Variants in CDC123 observed in about 807,000 individuals in gnomAD.
CDC123 encodes translation initiation factor eIF2 assembly protein.
Under a neutral mutation model 54.4 loss-of-function variants are expected in CDC123, and 37 were observed. The observed-to-expected ratio is 0.68, with a 90% CI of 0.52 to 0.89. The LOEUF (loss-of-function observed/expected upper bound fraction) is 0.89, where lower values mean the gene tolerates loss of function less well. Among genes scored for constraint, CDC123 ranks in the 40% least tolerant of loss-of-function variants. The probability of loss-of-function intolerance (pLI) is 0.00; values close to 1 mark genes in which losing one functional copy is unlikely to be tolerated. For missense variants in CDC123, 361 were observed against 412.1 expected (o/e 0.88, Z 1.07); for synonymous variants, 144 against 136.8 (o/e 1.05, Z -0.37).
At chr10:12,248,675 G>A (rs1047409166) in intron 11 of CDC123, among the ~76,000 whole-genome samples, 1 of 148,696 alleles carries the variant, frequency 6.7e-6, no homozygotes, top group East Asian at 2.0e-4. Flanking sequence ...GCATGGTGGT[G>A]CATGCCTGTA....
intron 7 of CDC123, among the ~76,000 whole-genome samples, chr10:12,231,278 GT>G (rs1210950858): frequency 6.6e-6 from 1 of 152,152 alleles, no homozygotes; most frequent in Non-Finnish European, 1.5e-5. Context: ...GCACCTAATT[GT>G]TTCAGCATTT....
At position 12,227,175 on chromosome 10, in the gene CDC123, A is replaced by G. The variant is rs567478718; in HGVS notation, c.441-3773A>G. Among the ~76,000 whole-genome samples the G allele has an allele frequency of 8.4e-4, 127 of 151,084 alleles. 1 individual carries two copies. Among genetic ancestry groups the G allele is most frequent in the African/African-American group, 3.1e-3 (126 of 41,214 alleles). On this transcript the variant is annotated intron_variant, in intron 6 of 12. Coordinates refer to ENST00000281141, the MANE Select transcript of CDC123 (RefSeq NM_006023.3). ...GCAGGCTGAAGCAGGAGAATCAGGC[A>G]GGGAGGTTGCAGTGAGCCGAGATGG... is the stretch of plus-strand genomic sequence containing the variant.
chr10:12,215,273 A>C (rs1835648647), intron 4 of CDC123, among the ~76,000 whole-genome samples: 1 of 152,108 alleles, frequency 6.6e-6, no homozygotes, highest in Admixed American at 6.5e-5. Context: ...TTTATTTTTC[A>C]TTCTCTCCGT....
Position 12,248,820 on chromosome 10 carries a change from G to C in CDC123, c.847-761G>C, listed in dbSNP as rs577544388. Among the ~76,000 whole-genome samples the C allele has an allele frequency of 3.4e-5, 5 of 145,820 alleles. No homozygotes were observed. In the East Asian group the frequency reaches 1.1e-3, roughly 31 times the overall value. On this transcript the variant is annotated intron_variant, in intron 11 of 12. Coordinates refer to ENST00000281141, the MANE Select transcript of CDC123 (RefSeq NM_006023.3). ...AACTTCGTCTAAAAAAAAAAAATTAGTTTTGGCAGCTGGGCATGGTGGTTC... is the reference window on the plus strand; with the variant it reads ...AACTTCGTCTAAAAAAAAAAAATTACTTTTGGCAGCTGGGCATGGTGGTTC...
intron 10 of CDC123, among the ~76,000 whole-genome samples, chr10:12,242,863 G>T (rs1353909085): frequency 1.3e-5 from 2 of 151,756 alleles, no homozygotes; most frequent in African/African-American, 4.8e-5. Context: ...AACCACTTGA[G>T]CCCAGGAGGA....
chr10:12,226,016 G>A (rs867395135), intron 6 of CDC123, among the ~76,000 whole-genome samples: 1 of 151,788 alleles, frequency 6.6e-6, no homozygotes, highest in African/African-American at 2.4e-5. Context: ...ATCTTGCACC[G>A]CCCTTAATCC....
At chr10:12,206,775 G>A (rs1342379154) in intron 2 of CDC123, among the ~76,000 whole-genome samples, 1 of 152,042 alleles carries the variant, frequency 6.6e-6, no homozygotes, top group African/African-American at 2.4e-5. Context: ...TGGCCAACAC[G>A]GTGAAACCCC....
chr10:12,236,857 C>T (rs1835983549), intron 8 of CDC123, among the ~76,000 whole-genome samples: 1 of 152,070 alleles, frequency 6.6e-6, no homozygotes. Flanking sequence ...TGCCACTGCA[C>T]TCCAGCCTGG....
chr10:12,198,100 C>G (rs2399789), intron 1 of CDC123, among the ~76,000 whole-genome samples: 54,889 of 152,034 alleles, frequency 0.36, 11,124 homozygotes, highest in Non-Finnish European at 0.43. Context: ...TAAGAGACTT[C>G]AGGTATGGCT....
intron 3 of CDC123, 67 bp from the exon 4 acceptor site, chr10:12,210,223 A>C (rs1187063480): frequency 1.3e-6 from 2 of 1,575,494 alleles, no homozygotes; most frequent in Admixed American, 3.6e-5. Flanking sequence ...TAGATGGAGC[A>C]CTGCTTTTTG....
chr10:12,232,312 A>G (rs1404396170), intron 7 of CDC123, among the ~76,000 whole-genome samples: 1 of 151,962 alleles, frequency 6.6e-6, no homozygotes, highest in South Asian at 2.1e-4. Context: ...TGAAAATTAC[A>G]TTTTCATTTT....
intron 6 of CDC123, among the ~76,000 whole-genome samples, chr10:12,226,700 TG>T (rs1237890982): frequency 7.4e-6 from 1 of 135,404 alleles, no homozygotes; most frequent in Non-Finnish European, 1.6e-5. Context: ...AGACGATGGG[TG>T]GCTGGGCAGA....
Position 12,210,261 on chromosome 10 carries a change from G to A in CDC123, c.205-29G>A, listed in dbSNP as rs186070657. 7.4e-6 allele frequency: 12 copies of A among 1,612,968 alleles called. No individual in the cohort carries two copies. The East Asian group carries it at 2.5e-4, about 33-fold the overall frequency. ...GCCCAGTGCAGTATTTAAATTTAAT[G>A]TTTTATTTTTTTCCTCTTTTTCATG... is the stretch of plus-strand genomic sequence containing the variant. On this transcript the variant is annotated intron_variant, in intron 3 of 12. Transcript: ENST00000281141.
chr10:12,202,302 C>T (rs1247423647), intron 2 of CDC123, among the ~76,000 whole-genome samples: 1 of 152,110 alleles, frequency 6.6e-6, no homozygotes. Context: ...TCTAGAATTT[C>T]GTATAAGTGG....
intron 7 of CDC123, among the ~76,000 whole-genome samples, chr10:12,234,743 G>A (rs138780224): frequency 8.6e-5 from 13 of 150,310 alleles, no homozygotes; most frequent in African/African-American, 3.2e-4. Flanking sequence ...TACATCTCAT[G>A]TGAAGAATTT....
intron 7 of CDC123, among the ~76,000 whole-genome samples, chr10:12,232,788 C>CTT (rs34976610): frequency 2.0e-4 from 30 of 148,212 alleles, no homozygotes; most frequent in Non-Finnish European, 2.7e-4. Context: ...CCTTACCTTT[C>CTT]TTTTTTTTTT....
chr10:12,211,528 T>C (rs1280329922), intron 4 of CDC123, among the ~76,000 whole-genome samples: 2 of 152,246 alleles, frequency 1.3e-5, no homozygotes, highest in African/African-American at 4.8e-5. Flanking sequence ...CAGATCACTC[T>C]CCTTTTATGA....
chr10:12,230,337 C>T (rs1358324004), intron 6 of CDC123, among the ~76,000 whole-genome samples: 2 of 151,928 alleles, frequency 1.3e-5, no homozygotes, highest in Non-Finnish European at 2.9e-5. Context: ...GGATTTCAGG[C>T]GTCCACCACC....
intron 6 of CDC123, among the ~76,000 whole-genome samples, chr10:12,222,894 T>C (rs930019328): frequency 7.6e-6 from 1 of 132,072 alleles, no homozygotes; most frequent in African/African-American, 2.7e-5. Context: ...ACATTTGTCC[T>C]CTTTTTTTTT....
Sources: gnomAD v4.1 joint callset for allele counts (sites outside exome capture counted in the v4.1 genomes callset) on GRCh38, gnomAD v4.1.1 for gene constraint, MANE v1.5 for transcripts, NCBI Gene and HGNC (gene_info 2026-07-23, HGNC 2026-07-21) for gene names.